IMMP2L: variants seen among roughly 807,000 people sequenced by gnomAD.
IMMP2L encodes mitochondrial inner membrane protease subunit 2.
IMMP2L carries 18 observed loss-of-function variants against 19.3 expected under a neutral mutation model. That is an observed-to-expected ratio of 0.93 (90% CI 0.64 to 1.38). The LOEUF (loss-of-function observed/expected upper bound fraction) is 1.38, where lower values mean the gene tolerates loss of function less well. IMMP2L is among the 40% of genes most tolerant of loss of function. IMMP2L has a pLI of 0.00. For missense variants in IMMP2L, 233 were observed against 218.2 expected, an observed-to-expected ratio of 1.07 and a Z score of -0.43; for synonymous variants, 76 against 73.0, an observed-to-expected ratio of 1.04 and a Z score of -0.21.
chr7:111,331,309 T>C (rs1301952445), intron 3 of IMMP2L, among the ~76,000 whole-genome samples: 2 of 151,904 alleles, frequency 1.3e-5, no homozygotes, highest in Non-Finnish European at 2.9e-5. Context: ...TTATGCTAAG[T>C]GAAATAAATA....
intron 1 of IMMP2L, among the ~76,000 whole-genome samples, chr7:111,556,355 C>T (rs946387079): frequency 1.2e-4 from 19 of 152,114 alleles, no homozygotes; most frequent in African/African-American, 4.3e-4. Flanking sequence ...ATGGATGTTA[C>T]TATGTCTCAC....
At chr7:110,889,269 T>C (rs1259104794) in intron 4 of IMMP2L, among the ~76,000 whole-genome samples, 1 of 152,160 alleles carries the variant, frequency 6.6e-6, no homozygotes, top group African/African-American at 2.4e-5. Context: ...TATTATTACA[T>C]TGTAATATAT....
chr7:110,673,980 G>A (rs1792107149), intron 5 of IMMP2L, among the ~76,000 whole-genome samples: 1 of 152,034 alleles, frequency 6.6e-6, no homozygotes, highest in African/African-American at 2.4e-5. Context: ...ACTTTTTGGG[G>A]TATCTTTAAG....
chr7:110,894,890 A>C (rs1413247218), intron 4 of IMMP2L, among the ~76,000 whole-genome samples: 1 of 152,132 alleles, frequency 6.6e-6, no homozygotes, highest in African/African-American at 2.4e-5. Flanking sequence ...AATTTTTTAC[A>C]TATGGTTATC....
Position 111,407,280 on chromosome 7 carries a change from T to A in IMMP2L, c.239+79958A>T, listed in dbSNP as rs1251828012. Among the ~76,000 whole-genome samples, 6 of 151,990 alleles carry A rather than the reference T, an allele frequency of 3.9e-5. No homozygotes were observed. The East Asian group carries it at 1.2e-3, about 29-fold the overall frequency. Reference sequence around the variant, plus strand: ...TCTTCAAAAGTTAAACATAAATATATCACACAACTCAGCAATACCATACCT... The same window carrying A: ...TCTTCAAAAGTTAAACATAAATATAACACACAACTCAGCAATACCATACCT... On this transcript the variant is annotated intron_variant, in intron 3 of 5. Coordinates refer to ENST00000405709, the MANE Select transcript of IMMP2L (RefSeq NM_032549.4).
chr7:111,432,434 A>G (rs1836728042), intron 3 of IMMP2L, among the ~76,000 whole-genome samples: 2 of 151,820 alleles, frequency 1.3e-5, no homozygotes, highest in African/African-American at 4.9e-5. Flanking sequence ...TAAATGTGAT[A>G]CATTGCATAA....
chr7:111,252,424 A>T (rs983880345), intron 3 of IMMP2L, among the ~76,000 whole-genome samples: 3 of 152,194 alleles, frequency 2.0e-5, no homozygotes, highest in Admixed American at 2.0e-4. Flanking sequence ...ACAGATACAA[A>T]TTATTATGGC....
chr7:111,480,752 T>C (rs753527943), intron 3 of IMMP2L, among the ~76,000 whole-genome samples: 10 of 152,128 alleles, frequency 6.6e-5, no homozygotes, highest in Admixed American at 1.3e-4. Flanking sequence ...ATTTTAAAAA[T>C]TGGGAATGAG....
At chr7:111,432,902 TA>T (rs1489698115) in intron 3 of IMMP2L, among the ~76,000 whole-genome samples, 1 of 147,528 alleles carries the variant, frequency 6.8e-6, no homozygotes, top group Non-Finnish European at 1.5e-5. Flanking sequence ...TATACACCAG[TA>T]ACGACCTAGC....
At chr7:111,096,508 T>TAAA (rs5886589) in intron 3 of IMMP2L, among the ~76,000 whole-genome samples, 58 of 144,792 alleles carry the variant, frequency 4.0e-4, no homozygotes, top group African/African-American at 1.3e-3. Flanking sequence ...GAGTTAAATT[T>TAAA]AAAAAAAAAA....
At chr7:111,111,180 G>A (rs1799147986) in intron 3 of IMMP2L, among the ~76,000 whole-genome samples, 1 of 151,260 alleles carries the variant, frequency 6.6e-6, no homozygotes, top group Non-Finnish European at 1.5e-5. Flanking sequence ...ACCCTGTTTT[G>A]AAAGAACTCT....
intron 3 of IMMP2L, among the ~76,000 whole-genome samples, chr7:110,967,409 G>A (rs1306719651): frequency 6.6e-6 from 1 of 151,936 alleles, no homozygotes; most frequent in African/African-American, 2.4e-5. Context: ...CCCCCACCCT[G>A]ATCCTGGTGT....
chr7:110,767,970 T>C (rs7779870), intron 5 of IMMP2L, among the ~76,000 whole-genome samples: 100,257 of 152,096 alleles, frequency 0.66, 34,500 homozygotes, highest in African/African-American at 0.86. Context: ...TGCCAAGCAC[T>C]GTTCCAGATG....
At chr7:110,991,198 G>A (rs1822415872) in intron 3 of IMMP2L, among the ~76,000 whole-genome samples, 1 of 152,036 alleles carries the variant, frequency 6.6e-6, no homozygotes, top group African/African-American at 2.4e-5. Flanking sequence ...CCTTGACAAA[G>A]CATCTCTGAG....
chr7:111,256,839 T>G (rs1229449923), intron 3 of IMMP2L, among the ~76,000 whole-genome samples: 1 of 152,024 alleles, frequency 6.6e-6, no homozygotes, highest in Non-Finnish European at 1.5e-5. Flanking sequence ...CTGAATTGTA[T>G]TGACTCTAAA....
intron 3 of IMMP2L, among the ~76,000 whole-genome samples, chr7:111,138,210 G>A (rs1456044297): frequency 6.6e-6 from 1 of 152,182 alleles, no homozygotes; most frequent in Admixed American, 6.5e-5. Context: ...TTTAGTGAAT[G>A]TGAATAATGT....
chr7:111,051,348 A>T (rs1585969806), intron 3 of IMMP2L, among the ~76,000 whole-genome samples: 1 of 152,176 alleles, frequency 6.6e-6, no homozygotes, highest in African/African-American at 2.4e-5. Context: ...GGAGCATAGG[A>T]AAGTCTTCAG....
intron 5 of IMMP2L, among the ~76,000 whole-genome samples, chr7:110,741,479 T>G (rs1796985708): frequency 1.3e-5 from 2 of 152,174 alleles, no homozygotes; most frequent in South Asian, 4.1e-4. Flanking sequence ...CCAAGGGAAT[T>G]TATTTGTCCC....
chr7:111,423,227 C>T (rs1835754497), intron 3 of IMMP2L, among the ~76,000 whole-genome samples: 2 of 151,822 alleles, frequency 1.3e-5, no homozygotes, highest in Admixed American at 1.3e-4. Flanking sequence ...ATGCTGGCCT[C>T]ATAAAATGAG....
Sources: allele counts gnomAD v4.1 joint callset (sites outside exome capture counted in the v4.1 genomes callset), GRCh38; gene constraint gnomAD v4.1.1; transcripts MANE v1.5; gene names NCBI Gene and HGNC (gene_info 2026-07-23, HGNC 2026-07-21).